MYO1D: variants seen among roughly 807,000 people sequenced by gnomAD.
The protein encoded by MYO1D is myosin ID, also known as unconventional myosin-Id.
Under a neutral mutation model 122.0 loss-of-function variants are expected in MYO1D, and 83 were observed. The ratio of observed to expected loss-of-function variants is 0.68; its 90% CI spans 0.57 to 0.82. The LOEUF is 0.82. Ranked by LOEUF, MYO1D falls within the 40% of genes least tolerant of loss-of-function variation. The pLI, the probability that MYO1D is intolerant of heterozygous loss-of-function variation, is 0.00. For missense variants in MYO1D, 1,157 were observed against 1,269.5 expected, an observed-to-expected ratio of 0.91 and a Z score of 1.35; for synonymous variants, 464 against 446.9, an observed-to-expected ratio of 1.04 and a Z score of -0.48.
At chr17:32,685,807 G>T (rs535556269) in intron 16 of MYO1D, among the ~76,000 whole-genome samples, 3 of 152,194 alleles carry the variant, frequency 2.0e-5, no homozygotes, top group Non-Finnish European at 4.4e-5. Flanking sequence ...GTCATCTACA[G>T]AGAACCCCAT....
At chr17:32,728,431 C>G (rs1253102557) in intron 14 of MYO1D, among the ~76,000 whole-genome samples, 1 of 152,158 alleles carries the variant, frequency 6.6e-6, no homozygotes, top group African/African-American at 2.4e-5. Flanking sequence ...TGGTCTTGAA[C>G]TCCTGATCTT....
intron 21 of MYO1D, among the ~76,000 whole-genome samples, chr17:32,544,802 T>C (rs2086951862): frequency 6.6e-6 from 1 of 152,190 alleles, no homozygotes; most frequent in Non-Finnish European, 1.5e-5. Flanking sequence ...TGCATACACA[T>C]ATACACACAC....
chr17:32,845,011 T>C (rs1351543954), intron 1 of MYO1D, among the ~76,000 whole-genome samples: 1 of 151,876 alleles, frequency 6.6e-6, no homozygotes, highest in African/African-American at 2.4e-5. Flanking sequence ...AGGCAACATA[T>C]TCACGTTTCT....
At chr17:32,563,232 CA>C (rs1267589913) in intron 21 of MYO1D, among the ~76,000 whole-genome samples, 1 of 92,472 alleles carries the variant, frequency 1.1e-5, no homozygotes, top group Non-Finnish European at 2.0e-5. Context: ...TTTTTTGAGA[CA>C]GAGTCTTGCT....
chr17:32,874,298 C>CTCTCTCTCTCTCTCTCTCTG (rs1567681549), intron 1 of MYO1D, among the ~76,000 whole-genome samples: 7 of 47,288 alleles, frequency 1.5e-4, no homozygotes, highest in African/African-American at 3.0e-4. Flanking sequence ...TTATCTGTCT[C>CTCTCTCTCTCTCTCTCTCTG]TGTCTCTCTC....
intron 20 of MYO1D, among the ~76,000 whole-genome samples, chr17:32,631,085 TG>T (rs2087999337): frequency 6.6e-6 from 1 of 152,174 alleles, no homozygotes; most frequent in African/African-American, 2.4e-5. Flanking sequence ...TCTGAGGTAC[TG>T]GGGGTTTGGA....
chr17:32,852,135 GT>G (rs201018865), intron 1 of MYO1D, among the ~76,000 whole-genome samples: 2 of 151,990 alleles, frequency 1.3e-5, no homozygotes, highest in East Asian at 3.8e-4. Context: ...GAAATGTAAA[GT>G]TTTTTTTGTT....
chr17:32,802,215 T>G lies in MYO1D; in HGVS notation c.96-21431A>C, dbSNP rs555357316. On this transcript the variant is annotated intron_variant, in intron 1 of 21. Coordinates refer to ENST00000318217, the MANE Select transcript of MYO1D (RefSeq NM_015194.3). ...TTGTTTAAAGTACCTAATATGTAGATGCCTACACATCACCACATATGTATA... is the reference window on the plus strand; with the variant it reads ...TTGTTTAAAGTACCTAATATGTAGAGGCCTACACATCACCACATATGTATA... 2.6e-5 allele frequency among the ~76,000 whole-genome samples: 4 copies of G among 152,350 alleles called. No homozygotes were observed. In the East Asian group the frequency reaches 7.7e-4, roughly 29 times the overall value.
chr17:32,845,563 CAGTT>C, intron 1 of MYO1D, among the ~76,000 whole-genome samples: 1 of 152,266 alleles, frequency 6.6e-6, no homozygotes, highest in Middle Eastern at 3.4e-3. Context: ...TAAACAGTCT[CAGTT>C]AGAAGAGGTA....
At chr17:32,825,664 G>T (rs1234214497) in intron 1 of MYO1D, among the ~76,000 whole-genome samples, 1 of 152,092 alleles carries the variant, frequency 6.6e-6, no homozygotes, top group African/African-American at 2.4e-5. Flanking sequence ...TTTAATTGAT[G>T]GGCATGACAG....
At chr17:32,687,319 CCCAAG>C (rs1230475768) in intron 16 of MYO1D, among the ~76,000 whole-genome samples, 3 of 151,992 alleles carry the variant, frequency 2.0e-5, no homozygotes, top group African/African-American at 4.8e-5. Context: ...GCCTCAGCCT[CCCAAG>C]TAGCTGGGAC....
intron 20 of MYO1D, among the ~76,000 whole-genome samples, chr17:32,634,910 T>C (rs1207275389): frequency 2.0e-5 from 3 of 152,216 alleles, no homozygotes; most frequent in African/African-American, 7.2e-5. Flanking sequence ...GGTCCAAATG[T>C]GGCTTGGGCC....
chr17:32,834,212 A>C (rs890467862), intron 1 of MYO1D, among the ~76,000 whole-genome samples: 3 of 152,222 alleles, frequency 2.0e-5, no homozygotes, highest in African/African-American at 7.2e-5. Flanking sequence ...CAACAGACAG[A>C]AGTCCCAGAA....
At chr17:32,849,111 T>C (rs113013709) in intron 1 of MYO1D, among the ~76,000 whole-genome samples, 9 of 151,964 alleles carry the variant, frequency 5.9e-5, no homozygotes, top group African/African-American at 2.2e-4. Context: ...AAAACCACTA[T>C]GAGATATCAT....
chr17:32,505,452 T>A (rs1342119841), intron 21 of MYO1D: 1 of 152,126 alleles, frequency 6.6e-6, no homozygotes, highest in East Asian at 1.9e-4. Context: ...GAAGACAGTA[T>A]GGGAGGAAGG....
chr17:32,620,555 T>C (rs321151), intron 20 of MYO1D, among the ~76,000 whole-genome samples: 36,590 of 151,880 alleles, frequency 0.24, 5,066 homozygotes, highest in South Asian at 0.39. Flanking sequence ...AACCCCCCCC[T>C]GCCAAGTTCC....
intron 21 of MYO1D, among the ~76,000 whole-genome samples, chr17:32,588,189 G>C (rs2087408084): frequency 6.6e-6 from 1 of 152,228 alleles, no homozygotes; most frequent in Non-Finnish European, 1.5e-5. Context: ...ACAGTTCCTG[G>C]TTGGACAGTG....
At chr17:32,820,657 A>G (rs2090653307) in intron 1 of MYO1D, among the ~76,000 whole-genome samples, 1 of 152,236 alleles carries the variant, frequency 6.6e-6, no homozygotes, top group Admixed American at 6.5e-5. Context: ...TATATGGTCA[A>G]GGGATGGCGG....
Position 32,673,090 on chromosome 17 carries a change from CTTTTTTTTTTTTTT to C in MYO1D, c.2122-13766_2122-13753del, listed in dbSNP as rs60912187. Among the ~76,000 whole-genome samples the C allele has an allele frequency of 4.3e-3, 123 of 28,644 alleles. 1 individual carries two copies. Among genetic ancestry groups the C allele is most frequent in the Admixed American group, 5.8e-3 (9 of 1,544 alleles). The allele number at this position is 28,644 out of a possible 152,430, so 18.8% of individuals were successfully genotyped here. A position where few individuals can be genotyped will look rare whatever the true frequency, so the allele number is the denominator to read the frequency against. On this transcript the variant is annotated intron_variant, in intron 16 of 21. Transcript: ENST00000318217. ...TGTAAGGAATTACATAAACATGCTA[CTTTTTTTTTTTTTT>C]TTTTTTTTTTTTTTTTTTTTTTTGA...
Sources: allele counts gnomAD v4.1 joint callset (sites outside exome capture counted in the v4.1 genomes callset), GRCh38; gene constraint gnomAD v4.1.1; transcripts MANE v1.5; gene names NCBI Gene and HGNC (gene_info 2026-07-23, HGNC 2026-07-21).